Variants in HCN1 observed in about 807,000 individuals in gnomAD.
HCN1 encodes hyperpolarization activated cyclic nucleotide gated potassium channel 1.
Under a neutral mutation model 78.9 loss-of-function variants are expected in HCN1, and 13 were observed. The observed-to-expected ratio is 0.16, with a 90% CI of 0.11 to 0.26. HCN1 has a LOEUF of 0.26. HCN1 is among the 10% of genes least tolerant of loss of function. The pLI is 1.00. For synonymous variants in HCN1, 552 were observed against 455.5 expected (o/e 1.21, Z -2.70); for missense variants, 810 against 1,154.3 (o/e 0.70, Z 4.32).
At chr5:45,349,028 A>C (rs897397947) in intron 5 of HCN1, among the ~76,000 whole-genome samples, 6 of 152,232 alleles carry the variant, frequency 3.9e-5, no homozygotes, top group South Asian at 2.1e-4. Context: ...CGGACCTAAT[A>C]GACATCTACA....
At chr5:45,503,850 A>G (rs1207078505) in intron 2 of HCN1, among the ~76,000 whole-genome samples, 1 of 146,724 alleles carries the variant, frequency 6.8e-6, no homozygotes, top group East Asian at 2.0e-4. Flanking sequence ...CTATGGTGCC[A>G]TCTCGGCTCA....
chr5:45,374,071 T>C (rs1561130152), intron 4 of HCN1, among the ~76,000 whole-genome samples: 3 of 108,834 alleles, frequency 2.8e-5, no homozygotes, highest in Admixed American at 2.4e-4. Context: ...ATATAATATA[T>C]ATAATATCTA....
chr5:45,361,195 C>T lies in HCN1; in HGVS notation c.1231-7949G>A, dbSNP rs1367763554. The stretch of plus-strand genomic sequence containing the variant: ...CTGAGATTACAGGCATGCATCTCCA[C>T]GCCCAGCTAATTGTGTACTTTCAGT... On this transcript the variant is annotated intron_variant, in intron 4 of 7. Transcript: ENST00000303230. Among the ~76,000 whole-genome samples the T allele has an allele frequency of 2.4e-4, 37 of 152,146 alleles. 1 individual carries two copies. The highest frequency in any genetic ancestry group is 2.1e-3 in the Admixed American group (32 of 15,256).
At chr5:45,373,040 T>G (rs1230573561) in intron 4 of HCN1, among the ~76,000 whole-genome samples, 2 of 135,184 alleles carry the variant, frequency 1.5e-5, no homozygotes, top group African/African-American at 2.7e-5. Flanking sequence ...ATATTAAATA[T>G]ATAAAATATA....
intron 2 of HCN1, chr5:45,480,127 A>G (rs544910321): frequency 1.3e-5 from 2 of 152,670 alleles, no homozygotes; most frequent in South Asian, 2.1e-4. Flanking sequence ...AAATATACCT[A>G]CCCATGGTTT....
chr5:45,684,293 A>T (rs1358546099), intron 1 of HCN1, among the ~76,000 whole-genome samples: 1 of 152,192 alleles, frequency 6.6e-6, no homozygotes, highest in African/African-American at 2.4e-5. Context: ...AATTATAGCC[A>T]ATAGAATTAT....
At chr5:45,656,599 C>T (rs1313805759) in intron 1 of HCN1, among the ~76,000 whole-genome samples, 1 of 152,122 alleles carries the variant, frequency 6.6e-6, no homozygotes. Context: ...ACTTTTTCAG[C>T]TAATGCTTTA....
intron 2 of HCN1, among the ~76,000 whole-genome samples, chr5:45,635,215 A>T (rs1415356902): frequency 6.6e-6 from 1 of 152,084 alleles, no homozygotes; most frequent in Non-Finnish European, 1.5e-5. Context: ...AAGCACTTTC[A>T]TATGAATTTT....
intron 1 of HCN1, among the ~76,000 whole-genome samples, chr5:45,695,446 C>G (rs1429801109): frequency 1.3e-5 from 2 of 152,160 alleles, no homozygotes; most frequent in Admixed American, 1.3e-4. Flanking sequence ...GAGGAGAGCC[C>G]GTCCGGGATT....
intron 2 of HCN1, among the ~76,000 whole-genome samples, chr5:45,531,200 C>A (rs1025543597): frequency 6.6e-6 from 1 of 152,094 alleles, no homozygotes; most frequent in Non-Finnish European, 1.5e-5. Context: ...ACTGAATAAT[C>A]CCTGATAAAT....
chr5:45,310,082 A>G (rs1366029250), intron 5 of HCN1, among the ~76,000 whole-genome samples: 1 of 152,098 alleles, frequency 6.6e-6, no homozygotes, highest in East Asian at 1.9e-4. Flanking sequence ...AAGATAACCA[A>G]TACCATTCAG....
chr5:45,564,739 C>T (rs1743673162), intron 2 of HCN1, among the ~76,000 whole-genome samples: 1 of 151,954 alleles, frequency 6.6e-6, no homozygotes, highest in Non-Finnish European at 1.5e-5. Context: ...CCATAATTGT[C>T]AGTAGTAAGG....
chr5:45,499,293 C>T (rs565355399), intron 2 of HCN1, among the ~76,000 whole-genome samples: 3 of 152,150 alleles, frequency 2.0e-5, no homozygotes, highest in Admixed American at 6.5e-5. Flanking sequence ...TCTCCTGGTG[C>T]GCCGTTTTTT....
chr5:45,465,489 GCTCACAC>G (rs966348073), intron 2 of HCN1, among the ~76,000 whole-genome samples: 2 of 152,096 alleles, frequency 1.3e-5, no homozygotes, highest in Admixed American at 1.3e-4. Context: ...AGGTGCGGGG[GCTCACAC>G]CTGTAATCCT....
rs139875307 is a variant in HCN1, at chr5:45,423,077, C to A, written c.1012-26367G>T. On this transcript the variant is annotated intron_variant, in intron 3 of 7. Transcript: ENST00000303230. ...AATGTTCCTAACACAAAGATAAATG[C>A]ATGAGGTGATGGATATTCCAATTAC... is the stretch of plus-strand genomic sequence containing the variant. 3.6e-4 allele frequency among the ~76,000 whole-genome samples: 55 copies of A among 152,188 alleles called. 1 individual carries two copies. Among genetic ancestry groups the A allele is most frequent in the African/African-American group, 1.3e-3 (55 of 41,538 alleles).
Position 45,680,564 on chromosome 5 carries a change from G to C in HCN1, c.425+15105C>G, listed in dbSNP as rs192974071. Among the ~76,000 whole-genome samples, 239 of 152,170 alleles carry C rather than the reference G, an allele frequency of 1.6e-3. 2 individuals carry two copies. Among genetic ancestry groups the C allele is most frequent in the Admixed American group, 4.1e-3 (62 of 15,244 alleles). On this transcript the variant is annotated intron_variant, in intron 1 of 7. Coordinates refer to ENST00000303230, the MANE Select transcript of HCN1 (RefSeq NM_021072.4). Reference sequence around the variant, plus strand: ...CTGATCCTTCTGAGACTATGTCTGGGATATTTTCCCTGCATAAAGTTGCAT... The same window carrying C: ...CTGATCCTTCTGAGACTATGTCTGGCATATTTTCCCTGCATAAAGTTGCAT...
At chr5:45,268,096 G>T (rs1410954964) in intron 6 of HCN1, among the ~76,000 whole-genome samples, 1 of 152,146 alleles carries the variant, frequency 6.6e-6, no homozygotes, top group Middle Eastern at 3.2e-3. Flanking sequence ...TTAGATATAG[G>T]CATGTCTAAT....
intron 6 of HCN1, among the ~76,000 whole-genome samples, chr5:45,274,199 C>G (rs1450107069): frequency 6.6e-6 from 1 of 152,086 alleles, no homozygotes; most frequent in Non-Finnish European, 1.5e-5. Context: ...AAGGGTATAA[C>G]TAGTCATTTC....
intron 1 of HCN1, among the ~76,000 whole-genome samples, chr5:45,677,709 G>A (rs969204762): frequency 4.6e-5 from 7 of 151,848 alleles, no homozygotes; most frequent in African/African-American, 1.7e-4. Context: ...GAGAGAAAGA[G>A]AGCGAGTAAA....
Sources: allele counts gnomAD v4.1 joint callset (sites outside exome capture counted in the v4.1 genomes callset), GRCh38; gene constraint gnomAD v4.1.1; transcripts MANE v1.5; gene names NCBI Gene and HGNC (gene_info 2026-07-23, HGNC 2026-07-21).